ABAT: variants seen among roughly 807,000 people sequenced by gnomAD.
ABAT encodes 4-aminobutyrate aminotransferase.
Under a neutral mutation model 64.6 loss-of-function variants are expected in ABAT, and 45 were observed. That is an observed-to-expected ratio of 0.70 (90% CI 0.55 to 0.89). The LOEUF (loss-of-function observed/expected upper bound fraction) is 0.89. Among genes scored for constraint, ABAT ranks in the 40% least tolerant of loss-of-function variants. The pLI is 0.00. For missense variants in ABAT, 633 were observed against 658.4 expected, an observed-to-expected ratio of 0.96 and a Z score of 0.42; for synonymous variants, 297 against 250.5, an observed-to-expected ratio of 1.19 and a Z score of -1.75.
At chr16:8,749,469 G>T (rs2059419744) in intron 4 of ABAT, among the ~76,000 whole-genome samples, 1 of 126,434 alleles carries the variant, frequency 7.9e-6, no homozygotes, top group African/African-American at 2.9e-5. Context: ...CACAATCTCG[G>T]CTCACTGCAA....
Position 8,764,642 on chromosome 16 carries a change from C to A in ABAT, c.448-96C>A. On this transcript the variant is annotated intron_variant, in intron 7 of 15. Coordinates refer to ENST00000268251, the MANE Select transcript of ABAT (RefSeq NM_020686.6). The surrounding 1 kb of genome is among the most constrained non-coding windows in gnomAD (Gnocchi z 4.2). ...GGACAGCCCTGGTTCTGTCTGTCCCCGGTACGGCCCCTGCGAAGATTCAGC... is the reference window on the plus strand; with the variant it reads ...GGACAGCCCTGGTTCTGTCTGTCCCAGGTACGGCCCCTGCGAAGATTCAGC... The A allele has an allele frequency of 8.4e-7, 1 of 1,185,024 alleles. No homozygotes were observed. The highest frequency in any genetic ancestry group is 1.3e-6 in the Non-Finnish European group (1 of 798,138). The allele number at this position is 1,185,024 out of a possible 1,614,324, so 73.4% of individuals were successfully genotyped here.
intron 2 of ABAT, among the ~76,000 whole-genome samples, chr16:8,741,987 T>A (rs199528548): frequency 6.6e-6 from 1 of 152,368 alleles, no homozygotes; most frequent in African/African-American, 2.4e-5. Flanking sequence ...AGACTGAATA[T>A]GTGTTAATTT....
At chr16:8,752,834 C>T (rs1366353160) in intron 5 of ABAT, among the ~76,000 whole-genome samples, 2 of 152,168 alleles carry the variant, frequency 1.3e-5, no homozygotes, top group African/African-American at 4.8e-5. Context: ...CCTGTCCTCC[C>T]GTATCTGTAG....
Position 8,768,985 on chromosome 16 carries a change from A to G in ABAT, c.816+12A>G, listed in dbSNP as rs1567313258. On this transcript the variant is annotated intron_variant, in intron 11 of 15. Coordinates refer to ENST00000268251, the MANE Select transcript of ABAT (RefSeq NM_020686.6). Reference sequence around the variant, plus strand: ...GCTGTCTGGAAGAGGTAATGCTCATACCCTGCGGATCCTCCCCAACCACCA... The same window carrying G: ...GCTGTCTGGAAGAGGTAATGCTCATGCCCTGCGGATCCTCCCCAACCACCA... 7 of 1,613,882 alleles carry G rather than the reference A, an allele frequency of 4.3e-6. No homozygotes were observed. In the South Asian group the frequency reaches 6.6e-5, roughly 15 times the overall value.
At chr16:8,726,987 TTCTTTTGAGAAATA>T (rs2058576660) in intron 1 of ABAT, among the ~76,000 whole-genome samples, 1 of 152,264 alleles carries the variant, frequency 6.6e-6, no homozygotes. Flanking sequence ...TTTGTATGTC[TTCTTTTGAGAAATA>T]TCTATTCAAA....
chr16:8,776,508 G>GCCCCCCCC lies in ABAT; in HGVS notation c.1269+22_1269+23insCCCCCCCC. On this transcript the variant is annotated intron_variant, in intron 14 of 15. Transcript: ENST00000268251. The surrounding 1 kb of genome is among the most constrained non-coding windows in gnomAD (Gnocchi z 4.4). ...ACCTCCAGGTAACACCCCCTCCCCTGCCCCGCCCCCACCACCCATGGCTCC... is the reference window on the plus strand; with the variant it reads ...ACCTCCAGGTAACACCCCCTCCCCTGCCCCCCCCCCCCGCCCCCACCACCCATGGCTCC... The GCCCCCCCC allele has an allele frequency of 6.3e-7, 1 of 1,580,220 alleles. No individual in the cohort carries two copies. The highest frequency in any genetic ancestry group is 8.6e-7 in the Non-Finnish European group (1 of 1,163,544).
intron 5 of ABAT, among the ~76,000 whole-genome samples, chr16:8,753,092 CTTT>C (rs768032745): frequency 7.1e-5 from 9 of 127,552 alleles, no homozygotes; most frequent in Admixed American, 1.6e-4. Flanking sequence ...CAAGCTTATT[CTTT>C]TTTTTTTTTT....
At chr16:8,730,594 C>A (rs1209899040) in intron 1 of ABAT, among the ~76,000 whole-genome samples, 1 of 152,136 alleles carries the variant, frequency 6.6e-6, no homozygotes, top group Non-Finnish European at 1.5e-5. Context: ...GTTGGCACTT[C>A]CTATATGCTG....
intron 1 of ABAT, chr16:8,722,752 T>A: frequency 1.6e-6 from 2 of 1,221,732 alleles, no homozygotes; most frequent in South Asian, 2.5e-5. Context: ...ATCCTTCACC[T>A]GCTTCTTTCC....
At chr16:8,715,501 C>T (rs757230940) in intron 1 of ABAT, 1 of 151,982 alleles carries the variant, frequency 6.6e-6, no homozygotes, top group African/African-American at 2.4e-5. Context: ...TGGTGTGTGC[C>T]TGTGATCCCA....
chr16:8,736,906 G>A (rs13339497), intron 2 of ABAT: 33,002 of 152,022 alleles, frequency 0.22, 4,426 homozygotes, highest in African/African-American at 0.38. Context: ...CACATGCCCC[G>A]AGAGTGGCCT....
intron 4 of ABAT, 100 bp downstream of exon 4, chr16:8,748,237 G>T (rs542793853): frequency 6.8e-6 from 8 of 1,172,916 alleles, no homozygotes; most frequent in Non-Finnish European, 9.9e-6. Context: ...TAAAAAAAAT[G>T]TAGTTGACTT....
chr16:8,781,179 T>G lies in ABAT; in HGVS notation c.1382-130T>G. On this transcript the variant is annotated intron_variant, in intron 15 of 15. Transcript: ENST00000268251. This position sits in a 1 kb window ranked among gnomAD's most constrained non-coding sequence, Gnocchi z 4.5. ...GGTAGGAAGGAAGCCCGGGCTTCCA[T>G]GATGGAGGATGATGGATGGATGGAT... 1 of 1,442,202 alleles carries G rather than the reference T, an allele frequency of 6.9e-7. No individual in the cohort carries two copies. The highest frequency in any genetic ancestry group is 9.6e-7 in the Non-Finnish European group (1 of 1,043,622). 89.3% of individuals were successfully genotyped at this position (1,442,202 alleles called of 1,614,324 possible).
chr16:8,686,811 C>T (rs1434921967), intron 1 of ABAT, among the ~76,000 whole-genome samples: 1 of 152,198 alleles, frequency 6.6e-6, no homozygotes, highest in Non-Finnish European at 1.5e-5. Flanking sequence ...CTAATGATCA[C>T]AGCAGAGTTT....
intron 1 of ABAT, among the ~76,000 whole-genome samples, chr16:8,684,230 C>G (rs1641113): frequency 0.59 from 89,336 of 151,922 alleles, 26,646 homozygotes; most frequent in East Asian, 0.77. Context: ...GCATCATGAA[C>G]AGGCCCAGAG....
chr16:8,692,375 C>CA (rs963121867), intron 1 of ABAT, among the ~76,000 whole-genome samples: 27 of 151,824 alleles, frequency 1.8e-4, no homozygotes, highest in Admixed American at 2.0e-4. Flanking sequence ...GACCCTATCT[C>CA]AAAAAAATAC....
chr16:8,715,242 G>C (rs1343521235), intron 1 of ABAT: 1 of 152,172 alleles, frequency 6.6e-6, no homozygotes, highest in Non-Finnish European at 1.5e-5. Flanking sequence ...CTGAGAAATG[G>C]TTCCAGGTTA....
chr16:8,727,631 G>A (rs1354621321), intron 1 of ABAT, among the ~76,000 whole-genome samples: 2 of 152,178 alleles, frequency 1.3e-5, no homozygotes, highest in African/African-American at 4.8e-5. Flanking sequence ...ATCATGCTGA[G>A]TTATTTTAAG....
chr16:8,756,805 C>G (rs1567306322), intron 5 of ABAT, among the ~76,000 whole-genome samples: 1 of 152,332 alleles, frequency 6.6e-6, no homozygotes, highest in Middle Eastern at 3.4e-3. Flanking sequence ...ATGAGAGTGT[C>G]ACAATTAAGA....
Sources: allele counts gnomAD v4.1 joint callset (sites outside exome capture counted in the v4.1 genomes callset), GRCh38; gene constraint gnomAD v4.1.1; non-coding constraint Gnocchi (gnomAD v3.1); transcripts MANE v1.5; gene names NCBI Gene and HGNC (gene_info 2026-07-23, HGNC 2026-07-21).